Variants in KCTD15 observed in about 807,000 individuals in gnomAD.
The protein encoded by KCTD15 is BTB/POZ domain-containing protein KCTD15.
Under a neutral mutation model 27.2 loss-of-function variants are expected in KCTD15, and 11 were observed. That is an observed-to-expected ratio of 0.41 (90% confidence interval 0.25 to 0.67). The LOEUF (loss-of-function observed/expected upper bound fraction) is 0.67, where lower values mean the gene tolerates loss of function less well. Among genes scored for constraint, KCTD15 ranks in the 30% least tolerant of loss-of-function variants. The pLI is 0.35. For missense variants in KCTD15, 350 were observed against 409.3 expected, an observed-to-expected ratio of 0.86 and a Z score of 1.25; for synonymous variants, 163 against 176.0, an observed-to-expected ratio of 0.93 and a Z score of 0.58.
At position 33,801,080 on chromosome 19, in the gene KCTD15, C is replaced by G. The variant is rs1324470106; in HGVS notation, c.67-87C>G. On this transcript the variant is annotated intron_variant, in intron 3 of 6. Coordinates refer to ENST00000683859, the MANE Select transcript of KCTD15 (RefSeq NM_001129994.2). ...CTGATTAGATCTGTGATCACACTCT[C>G]AATAAAGGGAGTGCATGGCTGTGTT... is the stretch of plus-strand genomic sequence containing the variant. 7 of 1,277,954 alleles carry G rather than the reference C, an allele frequency of 5.5e-6. No homozygotes were observed. In the East Asian group the frequency reaches 1.4e-4, roughly 26 times the overall value. The allele number at this position is 1,277,954 out of a possible 1,614,324, so 79.2% of individuals were successfully genotyped here.
chr19:33,795,179 C>T (rs1465251608), upstream of KCTD15, among the ~76,000 whole-genome samples: 2 of 152,242 alleles, frequency 1.3e-5, no homozygotes, highest in African/African-American at 4.8e-5. Flanking sequence ...ATTGAACTAA[C>T]TGCAGGGATG....
chr19:33,796,432 C>G (rs1388460268), upstream of KCTD15: 2 of 150,304 alleles, frequency 1.3e-5, no homozygotes, highest in Non-Finnish European at 1.5e-5. Flanking sequence ...TCGCCAGGCG[C>G]GGGCGCGCGG....
At chr19:33,800,199 CTGTGTGTGTG>C (rs558591760) in intron 2 of KCTD15, among the ~76,000 whole-genome samples, 8 of 152,018 alleles carry the variant, frequency 5.3e-5, no homozygotes, top group Non-Finnish European at 1.2e-4. Flanking sequence ...GTGAGTGTGA[CTGTGTGTGTG>C]TGCATGTATG....
intron 5 of KCTD15, among the ~76,000 whole-genome samples, chr19:33,810,914 C>T (rs1975879143): frequency 6.6e-6 from 1 of 151,962 alleles, no homozygotes; most frequent in Non-Finnish European, 1.5e-5. Flanking sequence ...GGTCCCCAGG[C>T]ATAGGCACAG....
intron 4 of KCTD15, 172 bp downstream of exon 4, chr19:33,801,514 G>A: frequency 3.6e-6 from 2 of 563,364 alleles, no homozygotes; most frequent in Non-Finnish European, 6.1e-6. Flanking sequence ...AAGTCTGCCT[G>A]TTGAAAGCTG....
intron 5 of KCTD15, among the ~76,000 whole-genome samples, chr19:33,808,690 G>C (rs1975788074): frequency 6.6e-6 from 1 of 150,784 alleles, no homozygotes; most frequent in African/African-American, 2.4e-5. Context: ...GATCTCTCTG[G>C]CTGTTGGGTG....
chr19:33,804,518 G>A (rs1975655333), intron 4 of KCTD15, among the ~76,000 whole-genome samples: 1 of 151,982 alleles, frequency 6.6e-6, no homozygotes. Context: ...AGGAGGCTGA[G>A]GGTTTGGATC....
rs776477226 is a variant in KCTD15 at position 33,806,998 on chromosome 19, T to C, written c.378T>C (p.Asp126=). 8.1e-6 allele frequency: 13 copies of C among 1,614,094 alleles called. No homozygotes were observed. In the South Asian group the frequency reaches 1.4e-4, roughly 18 times the overall value. The change falls in exon 5 of 7, where the codon GAT becomes GAC. Residue 126 remains aspartate (D), a synonymous_variant. Transcript: ENST00000683859. ...FLRTSKLLLP[D]DFKDFSLLYE... is the part of the protein sequence containing the mutation. ...GGACGTCCAAGCTGCTGCTTCCGGA[T>C]GACTTTAAGGTAAGTCCATGGCTGG...
intron 4 of KCTD15, among the ~76,000 whole-genome samples, chr19:33,806,387 CATGGGTTGGGTGGGGAGGATGT>C (rs1371982041): frequency 6.6e-6 from 1 of 152,180 alleles, no homozygotes; most frequent in Non-Finnish European, 1.5e-5. Context: ...CACTCGTTTA[CATGGGTTGGGTGGGGAGGATGT>C]ATGTCCTGGC....
intron 5 of KCTD15, among the ~76,000 whole-genome samples, chr19:33,810,086 T>TGCCTCTTCCTC (rs796323348): frequency 9.2e-5 from 14 of 152,254 alleles, no homozygotes; most frequent in African/African-American, 2.9e-4. Flanking sequence ...TGGGCTTCCT[T>TGCCTCTTCCTC]GCCTCTTCCT....
In KCTD15 at chr19:33,814,211, A is replaced by G. The variant is rs1365282841; in HGVS notation, c.*1263A>G. On this transcript the variant is annotated 3_prime_UTR_variant, in exon 7 of 7. Coordinates refer to ENST00000683859, the MANE Select transcript of KCTD15 (RefSeq NM_001129994.2). ...ATTTGTGTGAACACATTGCGTTCCC[A>G]GTCCATGCCATAAATGATGCTCTCA... is the stretch of plus-strand genomic sequence containing the variant. The G allele has an allele frequency of 1.3e-5, 2 of 152,662 alleles. No homozygotes were observed. Among genetic ancestry groups the G allele is most frequent in the Non-Finnish European group, 2.9e-5 (2 of 68,060 alleles). 9.5% of individuals were successfully genotyped at this position (152,662 alleles called of 1,614,324 possible).
intron 4 of KCTD15, among the ~76,000 whole-genome samples, chr19:33,802,889 G>A (rs866428917): frequency 6.6e-6 from 1 of 152,194 alleles, no homozygotes; most frequent in African/African-American, 2.4e-5. Context: ...CCCAGGCCCT[G>A]GGGGAGGCGG....
intron 3 of KCTD15, 89 bp from the exon 4 acceptor site, chr19:33,801,078 C>G: frequency 1.6e-6 from 2 of 1,260,022 alleles, no homozygotes; most frequent in Non-Finnish European, 2.2e-6. Context: ...TGATCACACT[C>G]TCAATAAAGG....
intron 6 of KCTD15, chr19:33,812,247 C>T (rs1975948694): frequency 3.9e-6 from 4 of 1,037,936 alleles, no homozygotes; most frequent in Non-Finnish European, 4.6e-6. Flanking sequence ...TAGTTGTGGA[C>T]GCCTGCAGAG....
rs1308163885 is a variant in KCTD15 at position 33,814,561 on chromosome 19, TCTCA to T, written c.*1616_*1619del. ...TGTCTCAAATGTTTGGGATTTTCTC[TCTCA>T]CTATTCTTTGGTTGGGGATGATGTC... is the stretch of plus-strand genomic sequence containing the variant. On this transcript the variant is annotated 3_prime_UTR_variant, in exon 7 of 7. Transcript: ENST00000683859. 2.0e-5 allele frequency: 3 copies of T among 152,198 alleles called. No homozygotes were observed. Among genetic ancestry groups the T allele is most frequent in the Non-Finnish European group, 4.4e-5 (3 of 68,054 alleles). 9.4% of individuals were successfully genotyped at this position (152,198 alleles called of 1,614,324 possible).
chr19:33,812,958 C>A lies in KCTD15; in HGVS notation c.*10C>A. 6.5e-7 allele frequency: 1 copy of A among 1,537,962 alleles called. No individual in the cohort carries two copies. On this transcript the variant is annotated 3_prime_UTR_variant, in exon 7 of 7. Coordinates refer to ENST00000683859, the MANE Select transcript of KCTD15 (RefSeq NM_001129994.2). ...GGAACCCCTGGACTAGGCCCTGCTT[C>A]AGTGCCCACCTGGGCCCCCCCAGGG...
In KCTD15 at chr19:33,814,945, T is replaced by C. The variant is rs2145509740; in HGVS notation, c.*1997T>C. The C allele has an allele frequency of 6.6e-6, 1 of 152,310 alleles. No homozygotes were observed. Among genetic ancestry groups the C allele is most frequent in the South Asian group, 2.1e-4 (1 of 4,830 alleles). 9.4% of individuals were successfully genotyped at this position (152,310 alleles called of 1,614,324 possible). On this transcript the variant is annotated 3_prime_UTR_variant, in exon 7 of 7. Coordinates refer to ENST00000683859, the MANE Select transcript of KCTD15 (RefSeq NM_001129994.2). ...AATCGAATTTGCTGGACAAACTTGA[T>C]AGGTTTCTCTGCTTAGCAACGAGCC...
intron 4 of KCTD15, 97 bp from the exon 5 acceptor site, chr19:33,806,766 C>T: frequency 4.9e-6 from 7 of 1,425,376 alleles, no homozygotes; most frequent in Non-Finnish European, 6.7e-6. Flanking sequence ...CTCGCCCCTC[C>T]AGCCGTGTGG....
At chr19:33,796,189 A>G (rs928730635), upstream of KCTD15, 1 of 151,724 alleles carries the variant, frequency 6.6e-6, no homozygotes, top group Non-Finnish European at 1.5e-5. Context: ...ACATCAGATG[A>G]AATGACAATG....
Sources: gnomAD v4.1 joint callset for allele counts (sites outside exome capture counted in the v4.1 genomes callset) on GRCh38, gnomAD v4.1.1 for gene constraint, MANE v1.5 for transcripts, NCBI Gene and HGNC (gene_info 2026-07-23, HGNC 2026-07-21) for gene names.